The following DGKE variants were observed in gnomAD, a reference collection of about 807,000 sequenced individuals.
The protein encoded by DGKE is diacylglycerol kinase epsilon.
A neutral mutation model predicts 70.0 loss-of-function variants in DGKE; 53 were observed. The observed-to-expected ratio is 0.76, with a 90% CI of 0.61 to 0.95. The LOEUF is 0.95. Among genes scored for constraint, DGKE ranks in the 40% least tolerant of loss-of-function variants. The probability of loss-of-function intolerance (pLI) is 0.00; values close to 1 mark genes in which losing one functional copy is unlikely to be tolerated. For synonymous variants in DGKE, 291 were observed against 257.0 expected, an observed-to-expected ratio of 1.13 and a Z score of -1.27; for missense variants, 655 against 706.9, an observed-to-expected ratio of 0.93 and a Z score of 0.83.
At position 56,858,652 on chromosome 17, in the gene DGKE, A is replaced by G; in HGVS notation, c.1271A>G (p.Asn424Ser). ...TTAGTGCAAGAATGTAAAGATTTGA[A>G]TAAAAAAGTTGAGGTAAGCTATTAA... Reference protein sequence around the residue: ...DCLVQECKDLNKKVELELDGE... With the variant: ...DCLVQECKDLSKKVELELDGE... Residue 424 changes from asparagine to serine, a missense_variant, in exon 9 of 12, where the codon AAT (asparagine) becomes AGT (serine). Transcript: ENST00000284061. 1 of 1,604,662 alleles carries G rather than the reference A, an allele frequency of 6.2e-7. No homozygotes were observed. The highest frequency in any genetic ancestry group is 8.5e-7 in the Non-Finnish European group (1 of 1,176,524).
intron 5 of DGKE, 134 bp from the exon 6 acceptor site, chr17:56,848,562 A>G (rs1907452177): frequency 1.2e-6 from 1 of 856,702 alleles, no homozygotes; most frequent in Non-Finnish European, 1.8e-6. Flanking sequence ...AGCAATTAGC[A>G]CAAGCTTTAG....
intron 7 of DGKE, among the ~76,000 whole-genome samples, chr17:56,853,005 T>C (rs1287835196): frequency 6.6e-6 from 1 of 152,202 alleles, no homozygotes; most frequent in Non-Finnish European, 1.5e-5. Context: ...GTCATGTCAG[T>C]GTTCAAAAAG....
chr17:56,838,605 T>G (rs1902460604), intron 2 of DGKE: 3 of 152,326 alleles, frequency 2.0e-5, no homozygotes, highest in Middle Eastern at 3.4e-3. Flanking sequence ...ATAATTCAGC[T>G]GCCTCCTTCA....
intron 2 of DGKE, among the ~76,000 whole-genome samples, chr17:56,842,010 C>T (rs762423341): frequency 4.0e-5 from 6 of 151,758 alleles, no homozygotes; most frequent in Non-Finnish European, 8.8e-5. Flanking sequence ...ATAAATTATA[C>T]GATATTGACA....
At chr17:56,838,145 T>C (rs1193314414) in intron 2 of DGKE, among the ~76,000 whole-genome samples, 1 of 152,254 alleles carries the variant, frequency 6.6e-6, no homozygotes, top group African/African-American at 2.4e-5. Context: ...TTGGACTTTT[T>C]ATTCATTACA....
chr17:56,839,245 G>A (rs573118811), intron 2 of DGKE, among the ~76,000 whole-genome samples: 1 of 152,080 alleles, frequency 6.6e-6, no homozygotes, highest in Non-Finnish European at 1.5e-5. Context: ...AGCGTGAAGG[G>A]TGGGCTTAGG....
rs747298055 is a variant in DGKE at position 56,835,138 on chromosome 17, A to C, written c.343A>C (p.Asn115His). ...RFQCKEIMLK[N>H]DTKVLDAMPH... is the part of the protein sequence containing the mutation. ...CCAGTGCAAGGAGATTATGCTCAAG[A>C]ATGACACCAAGGTCCTGGACGCCAT... Residue 115 changes from asparagine (N) to histidine (H), a missense_variant, in exon 2 of 12, where the codon AAT becomes CAT. By Grantham distance (68) the Asn-to-His change is moderately conservative (BLOSUM62 1). Transcript: ENST00000284061. The C allele has an allele frequency of 2.4e-5, 38 of 1,613,944 alleles. No individual in the cohort carries two copies. Among genetic ancestry groups the C allele is most frequent in the Non-Finnish European group, 3.1e-5 (37 of 1,180,040 alleles).
At chr17:56,846,560 A>G (rs868697724) in intron 4 of DGKE, among the ~76,000 whole-genome samples, 36 of 152,332 alleles carry the variant, frequency 2.4e-4, no homozygotes, top group African/African-American at 8.7e-4. Flanking sequence ...TTATATGTAA[A>G]TTATACCTCA....
chr17:56,837,957 C>T (rs1484538419), intron 2 of DGKE, among the ~76,000 whole-genome samples: 14 of 152,086 alleles, frequency 9.2e-5, no homozygotes, highest in Admixed American at 9.2e-4. Context: ...TTTTTGTGTG[C>T]TCCTGTTTCT....
chr17:56,841,266 A>T lies in DGKE; in HGVS notation c.465-2753A>T, dbSNP rs546351838. Reference sequence around the variant, plus strand: ...TACTCTGTCTCAAAAAAAAAAAAAAATTTTTTTTAAATGAAACAGCATTTA... The same window carrying T: ...TACTCTGTCTCAAAAAAAAAAAAAATTTTTTTTTAAATGAAACAGCATTTA... On this transcript the variant is annotated intron_variant, in intron 2 of 11. Transcript: ENST00000284061. Among the ~76,000 whole-genome samples, 89 of 150,832 alleles carry T rather than the reference A, an allele frequency of 5.9e-4. 1 individual carries two copies. The highest frequency in any genetic ancestry group is 1.8e-3 in the African/African-American group (75 of 41,052).
intron 7 of DGKE, among the ~76,000 whole-genome samples, chr17:56,850,249 G>A (rs1032405245): frequency 3.3e-5 from 5 of 151,344 alleles, no homozygotes; most frequent in East Asian, 1.9e-4. Context: ...CTCAGCCTCC[G>A]AAGTAGCTGG....
At chr17:56,850,871 C>G (rs1203875426) in intron 7 of DGKE, among the ~76,000 whole-genome samples, 1 of 152,142 alleles carries the variant, frequency 6.6e-6, no homozygotes, top group Non-Finnish European at 1.5e-5. Flanking sequence ...ACCTCACAAG[C>G]TAGACTATAA....
Position 56,868,686 on chromosome 17 carries a change from G to T in DGKE, c.*5895G>T, listed in dbSNP as rs1018748572. On this transcript the variant is annotated 3_prime_UTR_variant, in exon 12 of 12. Transcript: ENST00000284061. ...AAGTGCAGCACGTAAGTATGATACT[G>T]TGTAGTTTTTTGACACAACCATGAG... The T allele has an allele frequency of 6.6e-6, 1 of 152,238 alleles. No individual in the cohort carries two copies. Among genetic ancestry groups the T allele is most frequent in the African/African-American group, 2.4e-5 (1 of 41,464 alleles). 9.4% of individuals were successfully genotyped at this position (152,238 alleles called of 1,614,324 possible).
At chr17:56,861,767 C>G in intron 9 of DGKE, 24 bp from the exon 10 acceptor site, 2 of 1,609,052 alleles carry the variant, frequency 1.2e-6, no homozygotes, top group Non-Finnish European at 8.5e-7. Flanking sequence ...CCTGTAGTCA[C>G]TATCTATTTG....
intron 7 of DGKE, among the ~76,000 whole-genome samples, chr17:56,852,746 A>G (rs185789453): frequency 6.6e-6 from 1 of 152,350 alleles, no homozygotes; most frequent in East Asian, 1.9e-4. Context: ...TTTTGATAGT[A>G]GCCAATCTAA....
intron 2 of DGKE, among the ~76,000 whole-genome samples, chr17:56,843,092 C>G (rs543915150): frequency 5.9e-5 from 9 of 152,220 alleles, no homozygotes; most frequent in Non-Finnish European, 7.3e-5. Context: ...GGCATTTAAA[C>G]AGCAAGGACT....
intron 5 of DGKE, 141 bp downstream of exon 5, chr17:56,848,206 G>A: frequency 2.2e-6 from 1 of 460,758 alleles, no homozygotes. Flanking sequence ...CACCCAGGCT[G>A]GAGTGCAGCG....
intron 7 of DGKE, among the ~76,000 whole-genome samples, chr17:56,850,252 G>T (rs1226270042): frequency 6.6e-6 from 1 of 151,756 alleles, no homozygotes; most frequent in Non-Finnish European, 1.5e-5. Context: ...AGCCTCCGAA[G>T]TAGCTGGGAC....
At chr17:56,858,071 C>CAAAAAA (rs11449627) in intron 8 of DGKE, among the ~76,000 whole-genome samples, 20 of 100,202 alleles carry the variant, frequency 2.0e-4, no homozygotes, top group Non-Finnish European at 2.4e-4. Flanking sequence ...GACTCCATCT[C>CAAAAAA]AAAAAAAAAA....
Sources: allele counts gnomAD v4.1 joint callset (sites outside exome capture counted in the v4.1 genomes callset), GRCh38; gene constraint gnomAD v4.1.1; transcripts MANE v1.5; gene names NCBI Gene and HGNC (gene_info 2026-07-23, HGNC 2026-07-21).